TMEM245: variants seen among roughly 807,000 people sequenced by gnomAD.
TMEM245 encodes the protein protein CG-2.
Under a neutral mutation model 101.2 loss-of-function variants are expected in TMEM245, and 69 were observed. The ratio of observed to expected loss-of-function variants is 0.68; its 90% CI spans 0.56 to 0.83. The LOEUF (loss-of-function observed/expected upper bound fraction) is 0.83. Among genes scored for constraint, TMEM245 ranks in the 40% least tolerant of loss-of-function variants. The probability of loss-of-function intolerance (pLI) is 0.00; values close to 1 mark genes in which losing one functional copy is unlikely to be tolerated. For missense variants in TMEM245, 1,075 were observed against 1,092.8 expected (o/e 0.98, Z 0.23); for synonymous variants, 537 against 449.8 (o/e 1.19, Z -2.45).
intron 17 of TMEM245, among the ~76,000 whole-genome samples, chr9:109,031,777 A>G (rs2132304048): frequency 6.6e-6 from 1 of 152,372 alleles, no homozygotes; most frequent in Middle Eastern, 3.4e-3. Context: ...AATTATACCT[A>G]AAGAAATTTA....
At chr9:109,117,274 T>TG (rs1175304080) in intron 1 of TMEM245, among the ~76,000 whole-genome samples, 1 of 140,310 alleles carries the variant, frequency 7.1e-6, no homozygotes, top group Non-Finnish European at 1.6e-5. Context: ...CACACCCAGC[T>TG]AATTTTTTTT....
intron 14 of TMEM245, among the ~76,000 whole-genome samples, chr9:109,047,293 A>G (rs889012166): frequency 2.0e-5 from 3 of 152,308 alleles, no homozygotes; most frequent in African/African-American, 7.2e-5. Flanking sequence ...TAGTGTATGC[A>G]CTCCCAAGAA....
At chr9:109,072,553 C>A (rs1039174093) in intron 9 of TMEM245, among the ~76,000 whole-genome samples, 4 of 152,222 alleles carry the variant, frequency 2.6e-5, no homozygotes, top group African/African-American at 9.6e-5. Context: ...AACTCTTAAC[C>A]TGTACCTGTC....
chr9:109,106,888 T>C (rs1454780650), intron 2 of TMEM245, among the ~76,000 whole-genome samples: 1 of 152,140 alleles, frequency 6.6e-6, no homozygotes, highest in Non-Finnish European at 1.5e-5. Context: ...TTGTAACGTA[T>C]ACCAAAGGTC....
chr9:109,097,167 G>C (rs920636980), intron 3 of TMEM245, among the ~76,000 whole-genome samples: 1 of 152,210 alleles, frequency 6.6e-6, no homozygotes, highest in African/African-American at 2.4e-5. Context: ...AAGTAAGCTA[G>C]ATAAAGAAGA....
At chr9:109,096,020 C>T (rs1008458636) in intron 3 of TMEM245, among the ~76,000 whole-genome samples, 20 of 152,076 alleles carry the variant, frequency 1.3e-4, no homozygotes, top group African/African-American at 4.1e-4. Flanking sequence ...GTTAAAGAGA[C>T]GTAGAAGAGT....
intron 4 of TMEM245, among the ~76,000 whole-genome samples, chr9:109,092,618 G>C (rs1027407809): frequency 5.3e-5 from 8 of 152,184 alleles, no homozygotes; most frequent in Admixed American, 4.6e-4. Context: ...AGAAAAATAA[G>C]TGTTCCTACT....
intron 12 of TMEM245, among the ~76,000 whole-genome samples, chr9:109,051,336 ACAC>A (rs1049701491): frequency 6.6e-6 from 1 of 151,270 alleles, no homozygotes; most frequent in African/African-American, 2.4e-5. Context: ...ACACACACAC[ACAC>A]ATCATTGTAG....
At chr9:109,073,733 C>T (rs1442791991) in intron 8 of TMEM245, among the ~76,000 whole-genome samples, 3 of 151,960 alleles carry the variant, frequency 2.0e-5, no homozygotes, top group Non-Finnish European at 4.4e-5. Flanking sequence ...ATTTCATTTG[C>T]ATGAATATAT....
In TMEM245 at chr9:109,108,429, AAAAAAAAAAAAG is replaced by A; in HGVS notation, c.697+12_697+23del. On this transcript the variant is annotated intron_variant, in intron 2 of 17. Transcript: ENST00000374586. ...GACCTTAGGCTAGACTTAAAAAAAA[AAAAAAAAAAAAG>A]AAGGAACCCACCTAAATGAAAAAGC... 7.3e-7 allele frequency: 1 copy of A among 1,378,838 alleles called. No homozygotes were observed. Among genetic ancestry groups the A allele is most frequent in the Non-Finnish European group, 9.7e-7 (1 of 1,028,042 alleles). The allele number at this position is 1,378,838 out of a possible 1,614,324, so 85.4% of individuals were successfully genotyped here.
intron 17 of TMEM245, among the ~76,000 whole-genome samples, chr9:109,020,791 T>A (rs1827598066): frequency 6.6e-6 from 1 of 152,224 alleles, no homozygotes; most frequent in Non-Finnish European, 1.5e-5. Context: ...TTGTGCAACT[T>A]CTGGGCAGTT....
At chr9:109,036,143 T>TTA in intron 16 of TMEM245, 63 bp downstream of exon 16, 1 of 1,236,104 alleles carries the variant, frequency 8.1e-7, no homozygotes. Flanking sequence ...AATCCTCCTT[T>TTA]AAAAAAAAAA....
intron 12 of TMEM245, among the ~76,000 whole-genome samples, chr9:109,052,466 T>C (rs1828714851): frequency 6.6e-6 from 1 of 152,232 alleles, no homozygotes; most frequent in Admixed American, 6.5e-5. Context: ...CTGGTTTTTG[T>C]CATATGTCCA....
intron 17 of TMEM245, among the ~76,000 whole-genome samples, chr9:109,020,730 T>A (rs572324989): frequency 2.0e-5 from 3 of 152,348 alleles, no homozygotes; most frequent in Non-Finnish European, 2.9e-5. Flanking sequence ...CCCCTGAAAC[T>A]ACACATGACC....
intron 10 of TMEM245, among the ~76,000 whole-genome samples, chr9:109,063,767 T>A (rs117010877): frequency 0.011 from 1,750 of 152,262 alleles, 14 homozygotes; most frequent in South Asian, 0.031. Context: ...TGTCTCAGCA[T>A]CTCAATCATC....
At chr9:109,046,443 T>C (rs746471415) in intron 14 of TMEM245, 2 of 360,582 alleles carry the variant, frequency 5.5e-6, no homozygotes, top group South Asian at 2.1e-5. Context: ...GAAAACCCAA[T>C]TGCAAATGTA....
intron 1 of TMEM245, among the ~76,000 whole-genome samples, chr9:109,109,077 G>A (rs1249890481): frequency 6.6e-6 from 1 of 152,192 alleles, no homozygotes; most frequent in Non-Finnish European, 1.5e-5. Context: ...GCAGCCAGCT[G>A]AAGTGTGACC....
At chr9:109,086,106 G>A (rs1002494743) in intron 6 of TMEM245, 86 bp from the exon 7 acceptor site, 2 of 1,442,344 alleles carry the variant, frequency 1.4e-6, no homozygotes, top group African/African-American at 1.4e-5. Flanking sequence ...GAAAAGAAAA[G>A]GAAAGCATGA....
Position 109,020,083 on chromosome 9 carries a change from A to G in TMEM245, c.*377T>C, listed in dbSNP as rs1827573379. On this transcript the variant is annotated 3_prime_UTR_variant, in exon 18 of 18. Transcript: ENST00000374586. The stretch of plus-strand genomic sequence containing the variant: ...TCTTAAACCAGGAAAAAATTACACC[A>G]TCTATTCTTTTAACAGCAGGTAGTT... The G allele has an allele frequency of 1.3e-5, 2 of 157,012 alleles. No individual in the cohort carries two copies. The highest frequency in any genetic ancestry group is 2.4e-5 in the African/African-American group (1 of 41,584). The allele number at this position is 157,012 out of a possible 1,614,324, so 9.7% of individuals were successfully genotyped here. A position where few individuals can be genotyped will look rare whatever the true frequency, so the allele number is the denominator to read the frequency against.
Sources: allele counts gnomAD v4.1 joint callset (sites outside exome capture counted in the v4.1 genomes callset), GRCh38; gene constraint gnomAD v4.1.1; transcripts MANE v1.5; gene names NCBI Gene and HGNC (gene_info 2026-07-23, HGNC 2026-07-21).